The following MILR1 variants were observed in gnomAD, a reference collection of about 807,000 sequenced individuals.
MILR1 encodes the protein mast cell immunoglobulin like receptor 1, also known as allergin-1.
A neutral mutation model predicts 18.5 loss-of-function variants in MILR1; 31 were observed. The ratio of observed to expected loss-of-function variants is 1.68; its 90% confidence interval spans 1.26 to 2.26. The LOEUF is 2.26. Among genes scored for constraint, MILR1 ranks in the 30% most tolerant of loss-of-function variants. The probability of loss-of-function intolerance (pLI) is 0.00; values close to 1 mark genes in which losing one functional copy is unlikely to be tolerated. For synonymous variants in MILR1, 85 were observed against 56.2 expected (o/e 1.51, Z -2.30); for missense variants, 257 against 157.4 (o/e 1.63, Z -3.38).
At chr17:64,492,960 A>G in the MILR1 span, 39 of 1,614,012 alleles carry the variant, frequency 2.4e-5, no homozygotes, top group African/African-American at 3.9e-4. Flanking sequence ...CAATCTGAGC[A>G]AGGCCATAAG....
At chr17:64,473,688 T>C in the MILR1 span, among the ~76,000 whole-genome samples, 2 of 152,202 alleles carry the variant, frequency 1.3e-5, no homozygotes, top group African/African-American at 2.4e-5. Flanking sequence ...GAAATTTCTT[T>C]GTAAATAAAT....
At chr17:64,492,455 T>C in the MILR1 span, among the ~76,000 whole-genome samples, 4 of 152,218 alleles carry the variant, frequency 2.6e-5, no homozygotes, top group African/African-American at 9.6e-5. Context: ...AAAGGCTAAT[T>C]AACAAACACA....
At chr17:64,492,665 A>T in the MILR1 span, 2 of 1,572,312 alleles carry the variant, frequency 1.3e-6, no homozygotes, top group Non-Finnish European at 1.7e-6. Context: ...TTATTGCAGT[A>T]CCTTTCTCCA....
chr17:64,488,050 T>C, the MILR1 span, among the ~76,000 whole-genome samples: 3 of 151,826 alleles, frequency 2.0e-5, no homozygotes, highest in African/African-American at 7.3e-5. Flanking sequence ...AACCATAAAA[T>C]CAACTAAAAA....
the MILR1 span, among the ~76,000 whole-genome samples, chr17:64,487,968 T>C: frequency 6.6e-6 from 1 of 152,260 alleles, no homozygotes; most frequent in Non-Finnish European, 1.5e-5. Flanking sequence ...GAATAAATTC[T>C]TTTCTATCCT....
intron 5 of MILR1, among the ~76,000 whole-genome samples, chr17:64,462,481 G>A (rs1190847088): frequency 6.6e-6 from 1 of 152,168 alleles, no homozygotes; most frequent in Admixed American, 6.6e-5. Context: ...CACATACGTA[G>A]GGGAGGTTCA....
At chr17:64,484,519 C>T in the MILR1 span, among the ~76,000 whole-genome samples, 6 of 152,118 alleles carry the variant, frequency 3.9e-5, no homozygotes, top group Non-Finnish European at 5.9e-5. Flanking sequence ...AAAGGAGCAA[C>T]ACAACATGCA....
At chr17:64,467,467 G>C in intron 8 of MILR1, 98 bp from the exon 9 acceptor site, 4 of 703,928 alleles carry the variant, frequency 5.7e-6, no homozygotes, top group Non-Finnish European at 9.8e-6. Flanking sequence ...GTTAATACCT[G>C]GTTCTGTCAG....
the MILR1 span, chr17:64,491,051 A>G: frequency 9.3e-7 from 1 of 1,075,496 alleles, no homozygotes. Flanking sequence ...AAGAATTTAA[A>G]TTGTCCGATA....
chr17:64,451,437 G>T (rs1179042983), intron 2 of MILR1, among the ~76,000 whole-genome samples: 1 of 151,998 alleles, frequency 6.6e-6, no homozygotes. Context: ...CACCATGCCT[G>T]GCCAATCATT....
intron 2 of MILR1, among the ~76,000 whole-genome samples, chr17:64,449,773 A>G (rs1485973972): frequency 2.6e-5 from 4 of 152,042 alleles, no homozygotes; most frequent in Non-Finnish European, 5.9e-5. Flanking sequence ...TCGTTTCTTA[A>G]AAAAATAAAA....
chr17:64,482,522 A>G, the MILR1 span, among the ~76,000 whole-genome samples: 208 of 152,138 alleles, frequency 1.4e-3, 2 homozygotes, highest in African/African-American at 4.7e-3. Context: ...GTTTCACCAT[A>G]TTGGCCAGGA....
intron 4 of MILR1, among the ~76,000 whole-genome samples, chr17:64,458,213 CTTTCT>C (rs2037346136): frequency 6.8e-6 from 1 of 147,460 alleles, no homozygotes; most frequent in African/African-American, 2.5e-5. Flanking sequence ...TTCCTTCCTT[CTTTCT>C]TTTCTTTTCT....
At chr17:64,475,261 G>A in the MILR1 span, among the ~76,000 whole-genome samples, 72 of 151,808 alleles carry the variant, frequency 4.7e-4, 1 homozygote, top group South Asian at 0.015. Context: ...AGCATCAAAA[G>A]GAATAATTAC....
Position 64,467,698 on chromosome 17 carries a change from C to G in MILR1, c.*28+53C>G, listed in dbSNP as rs1200086345. The G allele has an allele frequency of 1.8e-5, 20 of 1,126,278 alleles. No homozygotes were observed. In the East Asian group the frequency reaches 4.9e-4, roughly 28 times the overall value. 69.8% of individuals were successfully genotyped at this position (1,126,278 alleles called of 1,614,324 possible). A position where few individuals can be genotyped will look rare whatever the true frequency, so the allele number is the denominator to read the frequency against. ...CCATGAACAAAAAGCAAACTTGAGG[C>G]TGAGGCAGGTGGATTACTTGAGGTC... On this transcript the variant is annotated intron_variant, in intron 9 of 9. Transcript: ENST00000619286.
intron 4 of MILR1, among the ~76,000 whole-genome samples, chr17:64,460,065 A>T (rs1177548063): frequency 6.7e-6 from 1 of 149,596 alleles, no homozygotes; most frequent in African/African-American, 2.5e-5. Flanking sequence ...AGTCTCACTC[A>T]CCCAGTCTGG....
chr17:64,495,225 T>C, the MILR1 span, among the ~76,000 whole-genome samples: 1 of 150,190 alleles, frequency 6.7e-6, no homozygotes, highest in African/African-American at 2.5e-5. Context: ...GGTGTGCTCA[T>C]TGCTACTGAG....
At chr17:64,455,808 TG>T (rs2037285675) in intron 3 of MILR1, among the ~76,000 whole-genome samples, 1 of 150,760 alleles carries the variant, frequency 6.6e-6, no homozygotes, top group Admixed American at 6.6e-5. Flanking sequence ...GGAGGTTGAG[TG>T]GGGGCAGATC....
intron 2 of MILR1, among the ~76,000 whole-genome samples, chr17:64,450,578 C>A (rs1243616733): frequency 2.7e-5 from 4 of 150,668 alleles, no homozygotes; most frequent in African/African-American, 1.0e-4. Context: ...CTCCTGGGTT[C>A]AAGGGATCCT....
Sources: gnomAD v4.1 joint callset for allele counts (sites outside exome capture counted in the v4.1 genomes callset) on GRCh38, gnomAD v4.1.1 for gene constraint, MANE v1.5 for transcripts, NCBI Gene and HGNC (gene_info 2026-07-23, HGNC 2026-07-21) for gene names.